Variants in XKR9 observed in about 807,000 individuals in gnomAD.
XKR9 encodes XK related 9, also known as XK-related protein 9.
XKR9 carries 32 observed loss-of-function variants against 32.0 expected under a neutral mutation model. That is an observed-to-expected ratio of 1.00 (90% confidence interval 0.76 to 1.34). The LOEUF is 1.34. Ranked by LOEUF, XKR9 falls within the 40% of genes most tolerant of loss-of-function variation. The probability of loss-of-function intolerance (pLI) is 0.00; values close to 1 mark genes in which losing one functional copy is unlikely to be tolerated. For missense variants in XKR9, 546 were observed against 429.7 expected, an observed-to-expected ratio of 1.27 and a Z score of -2.39; for synonymous variants, 168 against 143.4, an observed-to-expected ratio of 1.17 and a Z score of -1.22.
the XKR9 span, among the ~76,000 whole-genome samples, chr8:70,996,066 C>T: frequency 1.3e-5 from 2 of 152,124 alleles, no homozygotes; most frequent in African/African-American, 4.8e-5. Context: ...ACTTTTCTCT[C>T]TATCCATCTT....
the XKR9 span, among the ~76,000 whole-genome samples, chr8:70,954,504 T>A: frequency 6.6e-6 from 1 of 152,224 alleles, no homozygotes; most frequent in African/African-American, 2.4e-5. Flanking sequence ...TCAAGGTGGA[T>A]TTGCACAGAA....
At chr8:70,865,927 C>CT in the XKR9 span, among the ~76,000 whole-genome samples, 2 of 152,222 alleles carry the variant, frequency 1.3e-5, no homozygotes, top group South Asian at 4.1e-4. Context: ...AATTCGAGCA[C>CT]TTTTTTACAT....
At chr8:70,673,408 GA>G (rs1263593131) in intron 1 of XKR9, among the ~76,000 whole-genome samples, 2 of 152,168 alleles carry the variant, frequency 1.3e-5, no homozygotes, top group South Asian at 2.1e-4. Flanking sequence ...GGAGATACTA[GA>G]AAAAGAGTAC....
the XKR9 span, among the ~76,000 whole-genome samples, chr8:71,048,212 T>C: frequency 2.0e-5 from 3 of 152,228 alleles, no homozygotes; most frequent in African/African-American, 7.2e-5. Flanking sequence ...GTTTGACTTT[T>C]CTTTTTATAC....
At chr8:70,916,495 TG>T in the XKR9 span, among the ~76,000 whole-genome samples, 1 of 152,222 alleles carries the variant, frequency 6.6e-6, no homozygotes, top group Non-Finnish European at 1.5e-5. Context: ...GGAGATAACC[TG>T]GGAATATTGG....
the XKR9 span, among the ~76,000 whole-genome samples, chr8:70,905,181 G>T: frequency 1.3e-5 from 2 of 151,986 alleles, no homozygotes; most frequent in South Asian, 4.2e-4. Flanking sequence ...TTGCTAGGTT[G>T]GGATGTTCTC....
At chr8:70,854,150 A>C in the XKR9 span, among the ~76,000 whole-genome samples, 2 of 152,224 alleles carry the variant, frequency 1.3e-5, no homozygotes, top group Non-Finnish European at 2.9e-5. Context: ...GCAACAGTGT[A>C]AAAGTGTTCC....
At chr8:70,731,324 C>CT (rs34662858) in intron 4 of XKR9, among the ~76,000 whole-genome samples, 60,774 of 148,802 alleles carry the variant, frequency 0.41, 13,572 homozygotes, top group Non-Finnish European at 0.52. Flanking sequence ...ATTTCATATG[C>CT]TTTTTTTTTT....
chr8:70,848,144 G>T, the XKR9 span, among the ~76,000 whole-genome samples: 1 of 152,068 alleles, frequency 6.6e-6, no homozygotes, highest in African/African-American at 2.4e-5. Flanking sequence ...TCATCCCAGG[G>T]ATGCAAGGAT....
intron 2 of XKR9, among the ~76,000 whole-genome samples, chr8:70,766,048 G>T (rs888404457): frequency 1.3e-5 from 2 of 152,108 alleles, no homozygotes; most frequent in African/African-American, 4.8e-5. Context: ...GATGCCTCCA[G>T]ATTTGTTCTT....
chr8:70,770,271 G>A (rs953242294), intron 2 of XKR9, among the ~76,000 whole-genome samples: 2 of 152,170 alleles, frequency 1.3e-5, no homozygotes, highest in Admixed American at 6.5e-5. Context: ...CACCAGTGGA[G>A]GCTGCAGAAC....
chr8:70,736,294 C>T (rs1035691950), downstream of XKR9, among the ~76,000 whole-genome samples: 68 of 148,436 alleles, frequency 4.6e-4, no homozygotes, highest in Middle Eastern at 6.8e-3. Flanking sequence ...TCATGTCCTT[C>T]GCCCACTTTT....
chr8:70,993,687 A>C, the XKR9 span, among the ~76,000 whole-genome samples: 3 of 131,488 alleles, frequency 2.3e-5, no homozygotes, highest in African/African-American at 5.9e-5. Flanking sequence ...CCTTCCTTCC[A>C]CTCTTGAAGC....
chr8:70,754,130 CAG>C (rs201588468), intron 2 of XKR9, among the ~76,000 whole-genome samples: 1 of 147,338 alleles, frequency 6.8e-6, no homozygotes, highest in Admixed American at 7.6e-5. Context: ...AACAGACAAA[CAG>C]AGAGCCAAAT....
chr8:70,995,699 A>G, the XKR9 span, among the ~76,000 whole-genome samples: 1 of 152,028 alleles, frequency 6.6e-6, no homozygotes, highest in Non-Finnish European at 1.5e-5. Context: ...TTTTTTTTCT[A>G]GAAATAGGGT....
chr8:70,734,227 C>T lies in XKR9; in HGVS notation c.925C>T (p.Pro309Ser), dbSNP rs750164085. The change falls in exon 5 of 5, where the codon CCC becomes TCC. Residue 309 changes from proline (P) to serine (S), a missense_variant. By Grantham distance (74) the Pro-to-Ser change is moderately conservative (BLOSUM62 -1). Transcript: ENST00000408926. ...GATATTGACTGTATTCTGGGTTTGCCCCCTCACTATTTTTAATCCAGACTA... is the reference window on the plus strand; with the variant it reads ...GATATTGACTGTATTCTGGGTTTGCTCCCTCACTATTTTTAATCCAGACTA... Reference protein sequence around the residue: ...LGILTVFWVCPLTIFNPDYFI... With the variant: ...LGILTVFWVCSLTIFNPDYFI... 3.0e-5 allele frequency: 48 copies of T among 1,612,790 alleles called. No homozygotes were observed. Among genetic ancestry groups the T allele is most frequent in the Non-Finnish European group, 4.0e-5 (47 of 1,179,426 alleles).
the XKR9 span, among the ~76,000 whole-genome samples, chr8:70,883,666 A>T: frequency 6.6e-6 from 1 of 152,052 alleles, no homozygotes; most frequent in Non-Finnish European, 1.5e-5. Flanking sequence ...GGCTTCTTTC[A>T]CTTAGCTATA....
At chr8:70,804,241 G>T in the XKR9 span, among the ~76,000 whole-genome samples, 3 of 152,236 alleles carry the variant, frequency 2.0e-5, no homozygotes, top group Admixed American at 2.0e-4. Context: ...GGGGTAGGCG[G>T]GGTCACCTGC....
chr8:70,985,935 G>C, the XKR9 span, among the ~76,000 whole-genome samples: 2 of 152,138 alleles, frequency 1.3e-5, no homozygotes, highest in Admixed American at 6.5e-5. Flanking sequence ...TAATTTTATA[G>C]TTGTATTTAT....
Sources: allele counts gnomAD v4.1 joint callset (sites outside exome capture counted in the v4.1 genomes callset), GRCh38; gene constraint gnomAD v4.1.1; transcripts MANE v1.5; gene names NCBI Gene and HGNC (gene_info 2026-07-23, HGNC 2026-07-21).